The following NT5DC1 variants were observed in gnomAD, a reference collection of about 807,000 sequenced individuals.
NT5DC1 encodes the protein 5'-nucleotidase domain containing 1.
NT5DC1 carries 42 observed loss-of-function variants against 59.4 expected under a neutral mutation model. That is an observed-to-expected ratio of 0.71 (90% confidence interval 0.55 to 0.92). NT5DC1 has a LOEUF of 0.92. NT5DC1 is among the 40% of genes least tolerant of loss of function. The pLI is 0.00. For synonymous variants in NT5DC1, 172 were observed against 188.1 expected (o/e 0.91, Z 0.70); for missense variants, 501 against 537.1 (o/e 0.93, Z 0.66).
chr6:116,127,709 T>C (rs1241085971), intron 6 of NT5DC1, among the ~76,000 whole-genome samples: 1 of 152,152 alleles, frequency 6.6e-6, no homozygotes, highest in Admixed American at 6.5e-5. Context: ...TATTAAAATA[T>C]ATATTTTAAT....
intron 6 of NT5DC1, among the ~76,000 whole-genome samples, chr6:116,154,961 C>G (rs913141179): frequency 2.0e-5 from 3 of 152,096 alleles, no homozygotes; most frequent in African/African-American, 7.2e-5. Context: ...TAACCATATA[C>G]AACCACATTG....
rs571214476 is a variant in NT5DC1, at chr6:116,224,172, CA to C, written c.802+1047del. ...CTTTGAAATAAAATTTAAAATTTCC[CA>C]AAAAAGTGTTCATGTGAGTCAGATG... On this transcript the variant is annotated intron_variant, in intron 8 of 11. Transcript: ENST00000319550. 1.3e-4 allele frequency among the ~76,000 whole-genome samples: 20 copies of C among 152,102 alleles called. No homozygotes were observed. The East Asian group carries it at 3.9e-3, about 29-fold the overall frequency.
intron 6 of NT5DC1, among the ~76,000 whole-genome samples, chr6:116,216,627 A>G (rs1201326578): frequency 2.0e-5 from 3 of 152,006 alleles, no homozygotes; most frequent in Non-Finnish European, 4.4e-5. Context: ...CACAATCTAG[A>G]TATTCTAGAT....
intron 11 of NT5DC1, among the ~76,000 whole-genome samples, chr6:116,240,097 AT>A (rs1386763474): frequency 6.6e-6 from 1 of 152,228 alleles, no homozygotes; most frequent in Non-Finnish European, 1.5e-5. Context: ...GAGAAAAATC[AT>A]AAAAGATACA....
chr6:116,246,727 A>C lies in NT5DC1; in HGVS notation c.*2703A>C, dbSNP rs1417243659. The C allele has an allele frequency of 6.6e-6, 1 of 152,180 alleles. No individual in the cohort carries two copies. Among genetic ancestry groups the C allele is most frequent in the African/African-American group, 2.4e-5 (1 of 41,448 alleles). The allele number at this position is 152,180 out of a possible 1,614,324, so 9.4% of individuals were successfully genotyped here. A position where few individuals can be genotyped will look rare whatever the true frequency, so the allele number is the denominator to read the frequency against. ...AGAGTTAGTTCCAGATTGGTGCAAG[A>C]CTGGAATACACTTGACTGCTTTTAT... On this transcript the variant is annotated 3_prime_UTR_variant, in exon 12 of 12. Coordinates refer to ENST00000319550, the MANE Select transcript of NT5DC1 (RefSeq NM_152729.3).
At chr6:116,121,241 G>GGCCCAGCTATTCCTGGA (rs762320043) in intron 6 of NT5DC1, 8 of 1,613,782 alleles carry the variant, frequency 5.0e-6, no homozygotes, top group Non-Finnish European at 6.8e-6. Flanking sequence ...AGGCCCTGGG[G>GGCCCAGCTATTCCTGGA]GCCCAGCTAT....
intron 6 of NT5DC1, among the ~76,000 whole-genome samples, chr6:116,187,610 G>A (rs926764131): frequency 6.6e-6 from 1 of 152,108 alleles, no homozygotes; most frequent in Non-Finnish European, 1.5e-5. Flanking sequence ...CAGCAGAGCA[G>A]TGGGGAAAGG....
chr6:116,121,870 T>C (rs1779142586), intron 6 of NT5DC1: 1 of 1,613,784 alleles, frequency 6.2e-7, no homozygotes, highest in Non-Finnish European at 8.5e-7. Context: ...CGTAGCCTGG[T>C]TTTCCTGGTG....
At chr6:116,141,316 A>T in intron 6 of NT5DC1, among the ~76,000 whole-genome samples, 1 of 147,330 alleles carries the variant, frequency 6.8e-6, no homozygotes, top group Non-Finnish European at 1.5e-5. Flanking sequence ...TATTTTTGAT[A>T]TTTATTTTCG....
At chr6:116,109,642 G>A (rs1778835085) in intron 3 of NT5DC1, among the ~76,000 whole-genome samples, 1 of 152,128 alleles carries the variant, frequency 6.6e-6, no homozygotes, top group Non-Finnish European at 1.5e-5. Context: ...TTCAACCAGT[G>A]TAGTAGATTC....
chr6:116,203,345 G>C (rs1781384001), intron 6 of NT5DC1, among the ~76,000 whole-genome samples: 1 of 151,856 alleles, frequency 6.6e-6, no homozygotes, highest in Admixed American at 6.6e-5. Context: ...AGCTAATAGA[G>C]CCCTGCAGTC....
chr6:116,135,681 T>A (rs981487870), intron 6 of NT5DC1, among the ~76,000 whole-genome samples: 1 of 151,452 alleles, frequency 6.6e-6, no homozygotes, highest in Admixed American at 6.6e-5. Context: ...CTGATATATA[T>A]GCTGCTGGCA....
intron 1 of NT5DC1, among the ~76,000 whole-genome samples, chr6:116,102,424 G>T (rs1341763544): frequency 6.6e-6 from 1 of 152,154 alleles, no homozygotes; most frequent in Non-Finnish European, 1.5e-5. Flanking sequence ...TTTACTGCTT[G>T]ATTCTTTGGC....
At chr6:116,189,021 A>C (rs1372694326) in intron 6 of NT5DC1, among the ~76,000 whole-genome samples, 2 of 151,940 alleles carry the variant, frequency 1.3e-5, no homozygotes, top group Non-Finnish European at 2.9e-5. Context: ...AGATTTTATA[A>C]ATTCTAGAAG....
intron 11 of NT5DC1, among the ~76,000 whole-genome samples, chr6:116,243,398 G>A (rs1391394378): frequency 6.6e-6 from 1 of 152,060 alleles, no homozygotes; most frequent in Non-Finnish European, 1.5e-5. Context: ...GATGATTTGA[G>A]ATATCTCTAA....
rs1274521641 is a variant in NT5DC1, at chr6:116,100,869, C to A, written c.-62C>A. On this transcript the variant is annotated 5_prime_UTR_variant, in exon 1 of 12. Coordinates refer to ENST00000319550, the MANE Select transcript of NT5DC1 (RefSeq NM_152729.3). Reference sequence around the variant, plus strand: ...CGGCCCGGTCCTGTCCCGCAGCGTCCCGCCAGCCAGCTCCTTGCACCCTTC... The same window carrying A: ...CGGCCCGGTCCTGTCCCGCAGCGTCACGCCAGCCAGCTCCTTGCACCCTTC... 3.0e-6 allele frequency: 4 copies of A among 1,328,548 alleles called. No individual in the cohort carries two copies. The highest frequency in any genetic ancestry group is 1.3e-5 in the South Asian group (1 of 77,612). The allele number at this position is 1,328,548 out of a possible 1,614,324, so 82.3% of individuals were successfully genotyped here.
chr6:116,172,218 A>G (rs951161293), intron 6 of NT5DC1, among the ~76,000 whole-genome samples: 2 of 152,028 alleles, frequency 1.3e-5, no homozygotes, highest in Admixed American at 6.6e-5. Flanking sequence ...TCACTTTTAC[A>G]TAGTATATAA....
chr6:116,118,036 A>G (rs1384963148), intron 6 of NT5DC1, 91 bp downstream of exon 6: 4 of 751,074 alleles, frequency 5.3e-6, no homozygotes, highest in South Asian at 2.9e-5. Flanking sequence ...TTTGCTGTGT[A>G]TCTTACTTAG....
chr6:116,104,629 TTTTTG>T (rs542849809), intron 1 of NT5DC1, among the ~76,000 whole-genome samples: 2 of 152,138 alleles, frequency 1.3e-5, no homozygotes, highest in Non-Finnish European at 2.9e-5. Context: ...GTTTTCTGTT[TTTTTG>T]TTTTGTTTTG....
Sources: gnomAD v4.1 joint callset for allele counts (sites outside exome capture counted in the v4.1 genomes callset) on GRCh38, gnomAD v4.1.1 for gene constraint, MANE v1.5 for transcripts, NCBI Gene and HGNC (gene_info 2026-07-23, HGNC 2026-07-21) for gene names.